Variants in PLEKHG1 observed in about 807,000 individuals in gnomAD.
The protein encoded by PLEKHG1 is pleckstrin homology domain-containing family G member 1.
Under a neutral mutation model 100.8 loss-of-function variants are expected in PLEKHG1, and 44 were observed. The ratio of observed to expected loss-of-function variants is 0.44; its 90% CI spans 0.34 to 0.56. The LOEUF is 0.56. Among genes scored for constraint, PLEKHG1 ranks in the 20% least tolerant of loss-of-function variants. The probability of loss-of-function intolerance (pLI) is 0.01; values close to 1 mark genes in which losing one functional copy is unlikely to be tolerated. For synonymous variants in PLEKHG1, 640 were observed against 662.5 expected (o/e 0.97, Z 0.52); for missense variants, 1,545 against 1,720.9 (o/e 0.90, Z 1.81).
chr6:150,811,125 A>G (rs925770290), intron 10 of PLEKHG1, among the ~76,000 whole-genome samples: 2 of 152,190 alleles, frequency 1.3e-5, no homozygotes, highest in African/African-American at 4.8e-5. Context: ...GTAGATGGGG[A>G]GCCAGCTGCC....
intron 3 of PLEKHG1, among the ~76,000 whole-genome samples, chr6:150,653,406 C>A (rs967077366): frequency 4.0e-5 from 6 of 151,838 alleles, no homozygotes; most frequent in African/African-American, 7.3e-5. Context: ...GCTCACCCCC[C>A]ACGTGTATGT....
At chr6:150,666,708 A>T (rs147068714) in intron 3 of PLEKHG1, among the ~76,000 whole-genome samples, 1 of 152,238 alleles carries the variant, frequency 6.6e-6, no homozygotes, top group Non-Finnish European at 1.5e-5. Flanking sequence ...GCTGGAATCA[A>T]GATATCTTGC....
chr6:150,823,348 T>A (rs1421687874), intron 13 of PLEKHG1, among the ~76,000 whole-genome samples: 1 of 152,238 alleles, frequency 6.6e-6, no homozygotes, highest in African/African-American at 2.4e-5. Context: ...AATTTCTTTT[T>A]CAGGAAACAA....
chr6:150,811,045 G>C (rs1787495287), intron 10 of PLEKHG1, among the ~76,000 whole-genome samples: 1 of 152,170 alleles, frequency 6.6e-6, no homozygotes, highest in Non-Finnish European at 1.5e-5. Flanking sequence ...GCACCTATGG[G>C]TGTAAAGCTG....
At chr6:150,813,271 C>T (rs1229138677) in intron 10 of PLEKHG1, among the ~76,000 whole-genome samples, 2 of 146,810 alleles carry the variant, frequency 1.4e-5, no homozygotes, top group Non-Finnish European at 3.0e-5. Context: ...CGCCACTGCA[C>T]TACGGCCTGG....
At chr6:150,641,876 C>CAAAAAAAAAAAAA (rs71554473) in intron 2 of PLEKHG1, among the ~76,000 whole-genome samples, 13 of 76,806 alleles carry the variant, frequency 1.7e-4, no homozygotes, top group Admixed American at 4.3e-4. Context: ...TGTGAAAAGG[C>CAAAAAAAAAAAAA]AAAAAAAAAA....
chr6:150,722,511 G>T (rs1781750444), intron 1 of PLEKHG1, among the ~76,000 whole-genome samples: 2 of 151,748 alleles, frequency 1.3e-5, no homozygotes, highest in Admixed American at 1.3e-4. Context: ...GCGCCACCAT[G>T]CCCGGCTAAT....
rs1326627003 is a variant in PLEKHG1, at chr6:150,612,307, GT to G, written c.-204+12297del. ...AACACGAACCTGACATTGAATGTGT[GT>G]TTTTTTGTGGGGTTTTGTTTGTTTG... On this transcript the variant is annotated intron_variant, in intron 1 of 3. Coordinates refer to the PLEKHG1 transcript ENST00000367326. Among the ~76,000 whole-genome samples the G allele has an allele frequency of 2.0e-5, 3 of 152,078 alleles. 1 individual carries two copies. In the East Asian group the frequency reaches 5.8e-4, roughly 29 times the overall value.
intron 14 of PLEKHG1, among the ~76,000 whole-genome samples, chr6:150,827,511 G>T (rs1053118170): frequency 1.3e-5 from 2 of 151,798 alleles, no homozygotes; most frequent in African/African-American, 4.8e-5. Flanking sequence ...CCCGACCTCA[G>T]GTGATTCGCC....
At chr6:150,684,875 G>A (rs1014552054) in intron 3 of PLEKHG1, among the ~76,000 whole-genome samples, 1 of 152,094 alleles carries the variant, frequency 6.6e-6, no homozygotes, top group Non-Finnish European at 1.5e-5. Flanking sequence ...TGGTTCACCC[G>A]CAGCAGGTCC....
chr6:150,658,040 C>G (rs553007133), intron 3 of PLEKHG1, among the ~76,000 whole-genome samples: 1 of 152,324 alleles, frequency 6.6e-6, no homozygotes, highest in South Asian at 2.1e-4. Context: ...TTTAGGTAGT[C>G]AAAGCCTACA....
intron 1 of PLEKHG1, among the ~76,000 whole-genome samples, chr6:150,602,936 C>A (rs1290206008): frequency 6.6e-6 from 1 of 151,750 alleles, no homozygotes; most frequent in Non-Finnish European, 1.5e-5. Context: ...AAAAAATTAG[C>A]CGGGCGAGGT....
chr6:150,770,970 C>A (rs1468475600), intron 3 of PLEKHG1, among the ~76,000 whole-genome samples: 5 of 152,194 alleles, frequency 3.3e-5, no homozygotes, highest in Admixed American at 3.3e-4. Flanking sequence ...TTATCTCAGC[C>A]TCTCTGACTC....
At chr6:150,747,331 C>T (rs1048771023) in intron 2 of PLEKHG1, among the ~76,000 whole-genome samples, 31 of 152,176 alleles carry the variant, frequency 2.0e-4, no homozygotes, top group Non-Finnish European at 2.9e-5. Context: ...ACCTGGGTCA[C>T]GTGATAAGCC....
intron 1 of PLEKHG1, among the ~76,000 whole-genome samples, chr6:150,732,194 A>G (rs1480131445): frequency 6.8e-6 from 1 of 146,912 alleles, no homozygotes; most frequent in African/African-American, 2.7e-5. Context: ...CTTTGCAGAT[A>G]GTTTTTATTT....
chr6:150,810,563 G>A (rs1175774627), intron 10 of PLEKHG1, among the ~76,000 whole-genome samples: 3 of 148,758 alleles, frequency 2.0e-5, no homozygotes, highest in Non-Finnish European at 4.5e-5. Context: ...AAGAAAGAAA[G>A]AAAATTGAGA....
intron 1 of PLEKHG1, chr6:150,625,671 T>C (rs1777479058): frequency 6.6e-6 from 1 of 152,140 alleles, no homozygotes; most frequent in Non-Finnish European, 1.5e-5. Flanking sequence ...TTTTTGTATT[T>C]TTAGTAAAGA....
At position 150,731,449 on chromosome 6, in the gene PLEKHG1, T is replaced by C. The variant is rs573614669; in HGVS notation, c.-98-2135T>C. 3.3e-5 allele frequency among the ~76,000 whole-genome samples: 5 copies of C among 152,368 alleles called. No homozygotes were observed. In the East Asian group the frequency reaches 9.6e-4, roughly 29 times the overall value. On this transcript the variant is annotated intron_variant, in intron 1 of 15. Coordinates refer to ENST00000358517, the Ensembl canonical transcript of PLEKHG1. ...AACTTTAATATTTGCATCATTTGTT[T>C]GTACTAATACTTGTCATGAATATAA...
intron 2 of PLEKHG1, among the ~76,000 whole-genome samples, chr6:150,735,007 A>G (rs1184525243): frequency 9.9e-6 from 1 of 100,950 alleles, no homozygotes; most frequent in Non-Finnish European, 1.9e-5. Context: ...TTTTTTTGAG[A>G]CGGAGTTTAG....
Sources: allele counts gnomAD v4.1 joint callset (sites outside exome capture counted in the v4.1 genomes callset), GRCh38; gene constraint gnomAD v4.1.1; transcripts MANE v1.5; gene names NCBI Gene and HGNC (gene_info 2026-07-23, HGNC 2026-07-21).